MALSU1: variants seen among roughly 807,000 people sequenced by gnomAD.
The protein encoded by MALSU1 is mitochondrial assembly of ribosomal large subunit protein 1.
A neutral mutation model predicts 22.1 loss-of-function variants in MALSU1; 22 were observed. The ratio of observed to expected loss-of-function variants is 1.00; its 90% CI spans 0.71 to 1.42. The LOEUF is 1.42. MALSU1 is among the 40% of genes most tolerant of loss of function. The probability of loss-of-function intolerance (pLI) is 0.00; values close to 1 mark genes in which losing one functional copy is unlikely to be tolerated. For synonymous variants in MALSU1, 153 were observed against 118.5 expected, an observed-to-expected ratio of 1.29 and a Z score of -1.89; for missense variants, 379 against 308.3, an observed-to-expected ratio of 1.23 and a Z score of -1.72.
chr7:23,301,313 T>C (rs1783642216), intron 2 of MALSU1: 1 of 216,028 alleles, frequency 4.6e-6, no homozygotes, highest in Non-Finnish European at 9.2e-6. Context: ...CAGGCTGGAG[T>C]GCAATGGCGC....
intron 2 of MALSU1, among the ~76,000 whole-genome samples, chr7:23,304,641 A>G (rs970712422): frequency 6.6e-6 from 1 of 152,176 alleles, no homozygotes; most frequent in African/African-American, 2.4e-5. Context: ...CTAGGACTAG[A>G]GGAGTAGGAG....
intron 3 of MALSU1, 132 bp downstream of exon 3, chr7:23,308,081 G>A: frequency 1.3e-6 from 1 of 760,740 alleles, no homozygotes; most frequent in Non-Finnish European, 2.2e-6. Context: ...TGTGTTTAAG[G>A]TAACAAAAGT....
chr7:23,299,533 C>G lies in MALSU1; in HGVS notation c.181C>G (p.Leu61Val). Residue 61 changes from leucine (L) to valine (V), a missense_variant, in exon 1 of 4, where the codon CTG (leucine) becomes GTG (valine). Transcript: ENST00000466681. Reference protein sequence around the residue: ...ACQTPNFVRGLHSEPGLEERA... With the variant: ...ACQTPNFVRGVHSEPGLEERA... ...CCAGACCCCAAACTTTGTCCGCGGCCTGCACAGCGAGCCTGGGCTGGAGGA... is the reference window on the plus strand; with the variant it reads ...CCAGACCCCAAACTTTGTCCGCGGCGTGCACAGCGAGCCTGGGCTGGAGGA... 1 of 1,612,678 alleles carries G rather than the reference C, an allele frequency of 6.2e-7. No homozygotes were observed. The highest frequency in any genetic ancestry group is 8.5e-7 in the Non-Finnish European group (1 of 1,179,724).
At position 23,304,912 on chromosome 7, in the gene MALSU1, A is replaced by G. The variant is rs546086667; in HGVS notation, c.436-2956A>G. ...TTTTTACTCTTTAGAGTGTCCTTTG[A>G]TGCACGAAAGTATTTAATTTTGGTG... On this transcript the variant is annotated intron_variant, in intron 2 of 3. Coordinates refer to ENST00000466681, the MANE Select transcript of MALSU1 (RefSeq NM_138446.2). Among the ~76,000 whole-genome samples the G allele has an allele frequency of 4.7e-3, 713 of 152,118 alleles. 2 individuals are homozygous for G. Among genetic ancestry groups the G allele is most frequent in the Non-Finnish European group, 7.9e-3 (539 of 68,012 alleles).
At position 23,300,983 on chromosome 7, in the gene MALSU1, A is replaced by C; in HGVS notation, c.401A>C (p.His134Pro). The C allele has an allele frequency of 6.2e-7, 1 of 1,613,984 alleles. No individual in the cohort carries two copies. Among genetic ancestry groups the C allele is most frequent in the African/African-American group, 1.3e-5 (1 of 75,008 alleles). ...ATTGTTAGTGGAACTTCTACCCGAC[A>C]CTTACATGCCATGGCCTTCTACGTT... ...FVIVSGTSTR[H>P]LHAMAFYVVK... is the part of the protein sequence containing the mutation. Residue 134 changes from histidine to proline, a missense_variant, in exon 2 of 4, where the codon CAC (histidine) becomes CCC (proline). Coordinates refer to ENST00000466681, the MANE Select transcript of MALSU1 (RefSeq NM_138446.2).
rs73279745 is a variant in MALSU1, at chr7:23,309,618, C to T, written c.*75C>T. On this transcript the variant is annotated 3_prime_UTR_variant, in exon 4 of 4. Transcript: ENST00000466681. ...ATTGGAAAATACAGCTCCTAAAGTC[C>T]GTCTCCTTGGTTAGGCTGCTCTTAG... The T allele has an allele frequency of 4.1e-3, 5,021 of 1,233,296 alleles. 158 individuals are homozygous for T. The African/African-American group carries it at 0.066, about 16-fold the overall frequency. 76.4% of individuals were successfully genotyped at this position (1,233,296 alleles called of 1,614,324 possible). A position where few individuals can be genotyped will look rare whatever the true frequency, so the allele number is the denominator to read the frequency against.
rs970824380 is a variant in MALSU1, at chr7:23,309,591, T to C, written c.*48T>C. 2 of 1,463,846 alleles carry C rather than the reference T, an allele frequency of 1.4e-6. No individual in the cohort carries two copies. Among genetic ancestry groups the C allele is most frequent in the African/African-American group, 2.8e-5 (2 of 70,742 alleles). The allele number at this position is 1,463,846 out of a possible 1,614,324, so 90.7% of individuals were successfully genotyped here. A position where few individuals can be genotyped will look rare whatever the true frequency, so the allele number is the denominator to read the frequency against. ...TCATTTCAGATTTGGATTGAGTCAC[T>C]TATTGGAAAATACAGCTCCTAAAGT... On this transcript the variant is annotated 3_prime_UTR_variant, in exon 4 of 4. Transcript: ENST00000466681.
In MALSU1 at chr7:23,300,922, G is replaced by T. The variant is rs371507714; in HGVS notation, c.340G>T (p.Val114Phe). 56 of 1,613,892 alleles carry T rather than the reference G, an allele frequency of 3.5e-5. No individual in the cohort carries two copies. The highest frequency in any genetic ancestry group is 4.3e-5 in the Non-Finnish European group (51 of 1,179,936). The change falls in exon 2 of 4, where the codon GTT becomes TTT. Residue 114 changes from valine (V) to phenylalanine (F), a missense_variant. Val to Phe is a conservative substitution (Grantham distance 50). Coordinates refer to ENST00000466681, the MANE Select transcript of MALSU1 (RefSeq NM_138446.2). ...TGCAAGAGACATTTGTGTGATCCAG[G>T]TTCCTCCAGAAATGAGATATACAGA... ...ENARDICVIQVPPEMRYTDYF... is the reference protein window; with the variant it reads ...ENARDICVIQFPPEMRYTDYF...
At chr7:23,302,179 G>A (rs1783657145) in intron 2 of MALSU1, among the ~76,000 whole-genome samples, 1 of 152,116 alleles carries the variant, frequency 6.6e-6, no homozygotes, top group Non-Finnish European at 1.5e-5. Flanking sequence ...GGGGTATTGG[G>A]AAGGTAAGAA....
chr7:23,302,486 T>C (rs1303071493), intron 2 of MALSU1, among the ~76,000 whole-genome samples: 1 of 151,976 alleles, frequency 6.6e-6, no homozygotes, highest in Non-Finnish European at 1.5e-5. Flanking sequence ...CAGAAGAAGA[T>C]GCCAAAAACA....
intron 2 of MALSU1, among the ~76,000 whole-genome samples, chr7:23,307,121 G>T (rs139023299): frequency 6.6e-6 from 1 of 152,106 alleles, no homozygotes; most frequent in African/African-American, 2.4e-5. Flanking sequence ...TTGCTATTTC[G>T]TCTAGGTTAC....
chr7:23,308,420 A>G (rs1783753040), intron 3 of MALSU1, among the ~76,000 whole-genome samples: 1 of 152,230 alleles, frequency 6.6e-6, no homozygotes, highest in Non-Finnish European at 1.5e-5. Flanking sequence ...CATAGTTTCA[A>G]AGCACCTCCC....
In MALSU1 at chr7:23,299,597, C is replaced by G; in HGVS notation, c.245C>G (p.Ser82Trp). 2 of 1,587,494 alleles carry G rather than the reference C, an allele frequency of 1.3e-6. No homozygotes were observed. The highest frequency in any genetic ancestry group is 1.7e-6 in the Non-Finnish European group (2 of 1,167,212). Residue 82 changes from serine to tryptophan, a missense_variant, in exon 1 of 4, where the codon TCG (serine) becomes TGG (tryptophan). Coordinates refer to ENST00000466681, the MANE Select transcript of MALSU1 (RefSeq NM_138446.2). ...ACGGTCAACGAGGGACGCCCAGAATCGGACGCGGCAGGTACGGGCGTGGAG... is the reference window on the plus strand; with the variant it reads ...ACGGTCAACGAGGGACGCCCAGAATGGGACGCGGCAGGTACGGGCGTGGAG... ...EGTVNEGRPE[S>W]DAADHTGPKF... is the part of the protein sequence containing the mutation.
At chr7:23,303,447 T>C (rs1783675114) in intron 2 of MALSU1, among the ~76,000 whole-genome samples, 1 of 152,182 alleles carries the variant, frequency 6.6e-6, no homozygotes, top group Non-Finnish European at 1.5e-5. Flanking sequence ...GACACTTAGA[T>C]TGCTTCCACC....
chr7:23,303,186 A>G (rs1223215829), intron 2 of MALSU1, among the ~76,000 whole-genome samples: 1 of 152,228 alleles, frequency 6.6e-6, no homozygotes, highest in Non-Finnish European at 1.5e-5. Context: ...TGAACTCATT[A>G]AACAATAACT....
intron 1 of MALSU1, 138 bp from the exon 2 acceptor site, chr7:23,300,701 G>A: frequency 1.5e-6 from 1 of 678,796 alleles, no homozygotes; most frequent in Non-Finnish European, 2.5e-6. Flanking sequence ...CTTCCAGGAG[G>A]CCTTTACCCT....
At chr7:23,308,462 A>G (rs1783753987) in intron 3 of MALSU1, among the ~76,000 whole-genome samples, 1 of 152,212 alleles carries the variant, frequency 6.6e-6, no homozygotes, top group Admixed American at 6.5e-5. Flanking sequence ...GGGAAACATA[A>G]CTGTATGTCA....
At chr7:23,306,675 C>T (rs76500485) in intron 2 of MALSU1, among the ~76,000 whole-genome samples, 4,497 of 152,142 alleles carry the variant, frequency 0.03, 209 homozygotes, top group African/African-American at 0.097. Flanking sequence ...GCTTTTTCTG[C>T]GTCAGTTCAG....
chr7:23,309,551 T>TA lies in MALSU1; in HGVS notation c.*9dup. The TA allele has an allele frequency of 6.3e-7, 1 of 1,586,026 alleles. No individual in the cohort carries two copies. On this transcript the variant is annotated 3_prime_UTR_variant, in exon 4 of 4. Coordinates refer to ENST00000466681, the MANE Select transcript of MALSU1 (RefSeq NM_138446.2). ...GAGTTAAAATGTGAATAAAATATTT[T>TA]ATGCACTGCGTTAGTCATTTCAGAT... is the stretch of plus-strand genomic sequence containing the variant.
Sources: gnomAD v4.1 joint callset for allele counts (sites outside exome capture counted in the v4.1 genomes callset) on GRCh38, gnomAD v4.1.1 for gene constraint, MANE v1.5 for transcripts, NCBI Gene and HGNC (gene_info 2026-07-23, HGNC 2026-07-21) for gene names.